Variants in MYEF2 observed in about 807,000 individuals in gnomAD.
The protein encoded by MYEF2 is myelin gene expression factor 2.
MYEF2 carries 37 observed loss-of-function variants against 75.2 expected under a neutral mutation model. The ratio of observed to expected loss-of-function variants is 0.49; its 90% confidence interval spans 0.38 to 0.65. The LOEUF (loss-of-function observed/expected upper bound fraction) is 0.65, where lower values mean the gene tolerates loss of function less well. Ranked by LOEUF, MYEF2 falls within the 30% of genes least tolerant of loss-of-function variation. The probability of loss-of-function intolerance (pLI) is 0.00; values close to 1 mark genes in which losing one functional copy is unlikely to be tolerated. For synonymous variants in MYEF2, 195 were observed against 241.6 expected (o/e 0.81, Z 1.79); for missense variants, 634 against 771.4 (o/e 0.82, Z 2.11).
In MYEF2 at chr15:48,142,784, T is replaced by C. The variant is rs1294809775; in HGVS notation, c.*124A>G. The C allele has an allele frequency of 1.1e-6, 1 of 908,440 alleles. No individual in the cohort carries two copies. 56.3% of individuals were successfully genotyped at this position (908,440 alleles called of 1,614,324 possible). ...TTTTTAACATTATACTGTTAAAAGCTGGTGGGAGTTTTAAAAGTTCATTTT... is the reference window on the plus strand; with the variant it reads ...TTTTTAACATTATACTGTTAAAAGCCGGTGGGAGTTTTAAAAGTTCATTTT... On this transcript the variant is annotated 3_prime_UTR_variant, in exon 17 of 17. Transcript: ENST00000324324.
In MYEF2 at chr15:48,142,294, A is replaced by T. The variant is rs777129850; in HGVS notation, c.*614T>A. Reference sequence around the variant, plus strand: ...CATACTTGGGGCTTGCTACATTATCAGTTCTATATGAACTTGGAATTATTG... The same window carrying T: ...CATACTTGGGGCTTGCTACATTATCTGTTCTATATGAACTTGGAATTATTG... On this transcript the variant is annotated 3_prime_UTR_variant, in exon 17 of 17. Coordinates refer to ENST00000324324, the MANE Select transcript of MYEF2 (RefSeq NM_016132.5). 6.2e-7 allele frequency: 1 copy of T among 1,612,852 alleles called. No homozygotes were observed. Among genetic ancestry groups the T allele is most frequent in the Non-Finnish European group, 8.5e-7 (1 of 1,179,410 alleles).
chr15:48,160,486 T>TACACACACACAC (rs372090273), intron 5 of MYEF2, among the ~76,000 whole-genome samples: 133 of 139,310 alleles, frequency 9.5e-4, no homozygotes, highest in African/African-American at 3.3e-3. Context: ...AAACCAAACA[T>TACACACACACAC]ACACACACAC....
At chr15:48,150,333 C>A (rs942509626) in intron 14 of MYEF2, among the ~76,000 whole-genome samples, 2 of 151,916 alleles carry the variant, frequency 1.3e-5, no homozygotes, top group Non-Finnish European at 2.9e-5. Context: ...GAGCAAGATA[C>A]AATGGAAGTA....
chr15:48,140,980 G>T lies in MYEF2; in HGVS notation c.*1928C>A, dbSNP rs925123476. The T allele has an allele frequency of 3.1e-6, 2 of 645,058 alleles. No homozygotes were observed. The highest frequency in any genetic ancestry group is 2.9e-5 in the Admixed American group (1 of 33,934). 40.0% of individuals were successfully genotyped at this position (645,058 alleles called of 1,614,324 possible). A position where few individuals can be genotyped will look rare whatever the true frequency, so the allele number is the denominator to read the frequency against. On this transcript the variant is annotated 3_prime_UTR_variant, in exon 17 of 17. Coordinates refer to ENST00000324324, the MANE Select transcript of MYEF2 (RefSeq NM_016132.5). ...ATGTTGCTAGCTAAAAAACTAATAA[G>T]CAAGCACATATTGGCTCTGAATTCT...
At position 48,152,220 on chromosome 15, in the gene MYEF2, A is replaced by G; in HGVS notation, c.1138+14T>C. The G allele has an allele frequency of 6.2e-7, 1 of 1,604,706 alleles. No homozygotes were observed. Among genetic ancestry groups the G allele is most frequent in the Non-Finnish European group, 8.5e-7 (1 of 1,174,066 alleles). On this transcript the variant is annotated intron_variant, in intron 11 of 16. Transcript: ENST00000324324. Reference sequence around the variant, plus strand: ...GTGATGGGTACATACAAAAAAACAAATCTTTATACATACCTCCTCCAATTC... The same window carrying G: ...GTGATGGGTACATACAAAAAAACAAGTCTTTATACATACCTCCTCCAATTC...
At chr15:48,145,386 T>A (rs2039244358) in intron 16 of MYEF2, among the ~76,000 whole-genome samples, 1 of 151,908 alleles carries the variant, frequency 6.6e-6, no homozygotes, top group Non-Finnish European at 1.5e-5. Flanking sequence ...CCTGCCTGAC[T>A]TTTTACATGC....
intron 1 of MYEF2, among the ~76,000 whole-genome samples, chr15:48,175,886 T>C (rs967871738): frequency 3.9e-5 from 6 of 152,154 alleles, no homozygotes; most frequent in African/African-American, 1.4e-4. Context: ...AAGGTGTGAA[T>C]ATGCAAACTA....
chr15:48,159,467 T>C, intron 6 of MYEF2, 146 bp downstream of exon 6: 1 of 662,896 alleles, frequency 1.5e-6, no homozygotes, highest in Non-Finnish European at 2.6e-6. Flanking sequence ...TGTATATACG[T>C]CAATTGATTT....
chr15:48,148,214 C>T (rs182324281), intron 16 of MYEF2, among the ~76,000 whole-genome samples: 40 of 151,974 alleles, frequency 2.6e-4, no homozygotes, highest in Admixed American at 1.4e-3. Context: ...AGATTCCATG[C>T]AATAGCAGAA....
At chr15:48,165,801 A>G in intron 5 of MYEF2, 132 bp downstream of exon 5, 1 of 600,874 alleles carries the variant, frequency 1.7e-6, no homozygotes, top group Non-Finnish European at 2.9e-6. Context: ...TTTCGTCAAT[A>G]TATAATGCTT....
rs796318500 is a variant in MYEF2, at chr15:48,136,931, T to C, written c.*5977A>G. ...GATTCTGGCTACTCTCAGCTCTCTA[T>C]AAGTTTACATGGCCTTAGTCAGGTT... On this transcript the variant is annotated 3_prime_UTR_variant, in exon 17 of 17. Coordinates refer to ENST00000324324, the MANE Select transcript of MYEF2 (RefSeq NM_016132.5). The C allele has an allele frequency of 6.2e-7, 1 of 1,613,452 alleles. No individual in the cohort carries two copies. The highest frequency in any genetic ancestry group is 8.5e-7 in the Non-Finnish European group (1 of 1,179,484).
Position 48,138,918 on chromosome 15 carries a change from CTTAA to C in MYEF2, c.*3986_*3989del. The C allele has an allele frequency of 7.3e-7, 1 of 1,363,042 alleles. No individual in the cohort carries two copies. The highest frequency in any genetic ancestry group is 1.0e-6 in the Non-Finnish European group (1 of 978,276). 84.4% of individuals were successfully genotyped at this position (1,363,042 alleles called of 1,614,324 possible). On this transcript the variant is annotated 3_prime_UTR_variant, in exon 17 of 17. Transcript: ENST00000324324. ...TAACTTTCTAAATAGGCATTTCTAA[CTTAA>C]TTAGCCATTTGAGAAAACTCAAAAG...
At chr15:48,161,908 T>C (rs974593831) in intron 5 of MYEF2, among the ~76,000 whole-genome samples, 1 of 149,092 alleles carries the variant, frequency 6.7e-6, no homozygotes, top group Non-Finnish European at 1.5e-5. Context: ...CCTAATTTAA[T>C]CCTCAAAATA....
At chr15:48,168,045 C>T (rs2040191598) in intron 2 of MYEF2, among the ~76,000 whole-genome samples, 1 of 151,994 alleles carries the variant, frequency 6.6e-6, no homozygotes, top group Non-Finnish European at 1.5e-5. Context: ...CTAACTTTTA[C>T]AAGATCAAGT....
Position 48,159,896 on chromosome 15 carries a change from G to C in MYEF2, c.526-92C>G, listed in dbSNP as rs1315217148. Reference sequence around the variant, plus strand: ...ATTTAAATTCTACAGTAGCTATCCTGTCTGGCTCAAATTATTGACCCTCTT... The same window carrying C: ...ATTTAAATTCTACAGTAGCTATCCTCTCTGGCTCAAATTATTGACCCTCTT... On this transcript the variant is annotated intron_variant, in intron 5 of 16. Transcript: ENST00000324324. The C allele has an allele frequency of 9.9e-6, 13 of 1,309,246 alleles. No homozygotes were observed. In the East Asian group the frequency reaches 3.4e-4, roughly 34 times the overall value. 81.1% of individuals were successfully genotyped at this position (1,309,246 alleles called of 1,614,324 possible).
intron 9 of MYEF2, 148 bp from the exon 10 acceptor site, chr15:48,154,041 C>A: frequency 1.7e-6 from 1 of 581,892 alleles, no homozygotes. Context: ...TTGTTTTTGT[C>A]TAGAAAGTAG....
rs368154636 is a variant in MYEF2, at chr15:48,141,132, C to T, written c.*1776G>A. 1.9e-5 allele frequency: 30 copies of T among 1,612,702 alleles called. No homozygotes were observed. Among genetic ancestry groups the T allele is most frequent in the South Asian group, 3.3e-5 (3 of 91,018 alleles). On this transcript the variant is annotated 3_prime_UTR_variant, in exon 17 of 17. Coordinates refer to ENST00000324324, the MANE Select transcript of MYEF2 (RefSeq NM_016132.5). ...TTACAGGGGAAACACTAGAAATTCC[C>T]GATACAGTAATGGGCCTTACTTTAT...
chr15:48,174,913 T>C (rs1338882306), intron 1 of MYEF2, among the ~76,000 whole-genome samples: 4 of 152,114 alleles, frequency 2.6e-5, no homozygotes, highest in Non-Finnish European at 5.9e-5. Flanking sequence ...AACTACCACA[T>C]GATTCATCAA....
rs1397994265 is a variant in MYEF2 at position 48,135,181 on chromosome 15, C to G, written c.*7727G>C. ...CTAGTTTGCAATTTCTTCTTAATCA[C>G]TTCACAGTCTCCTTTTTTCTCTCAC... is the stretch of plus-strand genomic sequence containing the variant. On this transcript the variant is annotated 3_prime_UTR_variant, in exon 17 of 17. Coordinates refer to ENST00000324324, the MANE Select transcript of MYEF2 (RefSeq NM_016132.5). 2.3e-6 allele frequency: 1 copy of G among 444,162 alleles called. No individual in the cohort carries two copies. The highest frequency in any genetic ancestry group is 2.0e-5 in the African/African-American group (1 of 50,442). The allele number at this position is 444,162 out of a possible 1,614,324, so 27.5% of individuals were successfully genotyped here. A position where few individuals can be genotyped will look rare whatever the true frequency, so the allele number is the denominator to read the frequency against.
Sources: allele counts gnomAD v4.1 joint callset (sites outside exome capture counted in the v4.1 genomes callset), GRCh38; gene constraint gnomAD v4.1.1; transcripts MANE v1.5; gene names NCBI Gene and HGNC (gene_info 2026-07-23, HGNC 2026-07-21).